The following SLC25A21 variants were observed in gnomAD, a reference collection of about 807,000 sequenced individuals.
SLC25A21 encodes the protein solute carrier family 25 member 21.
A neutral mutation model predicts 43.8 loss-of-function variants in SLC25A21; 47 were observed. The observed-to-expected ratio is 1.07, with a 90% CI of 0.85 to 1.37. The LOEUF (loss-of-function observed/expected upper bound fraction) is 1.37, where lower values mean the gene tolerates loss of function less well. Ranked by LOEUF, SLC25A21 falls within the 40% of genes most tolerant of loss-of-function variation. SLC25A21 has a pLI of 0.00. For synonymous variants in SLC25A21, 131 were observed against 121.3 expected, an observed-to-expected ratio of 1.08 and a Z score of -0.52; for missense variants, 352 against 350.2, an observed-to-expected ratio of 1.00 and a Z score of -0.04.
chr14:37,147,499 C>G (rs980937073), intron 1 of SLC25A21, among the ~76,000 whole-genome samples: 2 of 152,142 alleles, frequency 1.3e-5, no homozygotes, highest in Non-Finnish European at 2.9e-5. Flanking sequence ...CTATCCCATT[C>G]TCCACCAGTT....
chr14:36,776,234 C>CTTTTTTTTT lies in SLC25A21; in HGVS notation c.203+37683_203+37684insAAAAAAAAA, dbSNP rs1397904925. 1.8e-3 allele frequency among the ~76,000 whole-genome samples: 138 copies of CTTTTTTTTT among 75,680 alleles called. 3 individuals are homozygous for CTTTTTTTTT. Among genetic ancestry groups the CTTTTTTTTT allele is most frequent in the African/African-American group, 7.3e-3 (127 of 17,502 alleles). 49.6% of individuals were successfully genotyped at this position (75,680 alleles called of 152,430 possible). On this transcript the variant is annotated intron_variant, in intron 3 of 9. Transcript: ENST00000331299. ...CTTTCTTTTTTCTTTTTCTTTCTTT[C>CTTTTTTTTT]TTTCTTTTTTTTTTTTTTTTGAGAT... is the stretch of plus-strand genomic sequence containing the variant.
At chr14:37,003,355 T>C (rs921260113) in intron 1 of SLC25A21, among the ~76,000 whole-genome samples, 8 of 152,190 alleles carry the variant, frequency 5.3e-5, no homozygotes, top group African/African-American at 9.7e-5. Context: ...CATTGTAATA[T>C]AGCATTTAAA....
chr14:37,002,124 T>C (rs1479143872), intron 1 of SLC25A21, among the ~76,000 whole-genome samples: 2 of 152,100 alleles, frequency 1.3e-5, no homozygotes, highest in Non-Finnish European at 2.9e-5. Context: ...AGTTCACAGT[T>C]AGGCAGAGGA....
chr14:37,156,176 A>C (rs1048126888), intron 1 of SLC25A21, among the ~76,000 whole-genome samples: 1 of 147,780 alleles, frequency 6.8e-6, no homozygotes, highest in Non-Finnish European at 1.5e-5. Context: ...AAAAAAAAAA[A>C]ATACACGAAA....
chr14:37,077,153 G>A (rs1366676814), intron 1 of SLC25A21, among the ~76,000 whole-genome samples: 1 of 152,096 alleles, frequency 6.6e-6, no homozygotes, highest in African/African-American at 2.4e-5. Context: ...GTCAATACTT[G>A]CACCACGCTG....
At chr14:36,694,729 C>T (rs1243016632) in intron 7 of SLC25A21, among the ~76,000 whole-genome samples, 1 of 152,178 alleles carries the variant, frequency 6.6e-6, no homozygotes, top group Admixed American at 6.5e-5. Flanking sequence ...GTGTCTAATT[C>T]ATATCCTTTG....
chr14:36,977,681 A>G (rs542611068), intron 1 of SLC25A21, among the ~76,000 whole-genome samples: 2 of 152,328 alleles, frequency 1.3e-5, no homozygotes, highest in African/African-American at 4.8e-5. Flanking sequence ...CTTCTATCCT[A>G]GTAATTATAT....
intron 2 of SLC25A21, among the ~76,000 whole-genome samples, chr14:36,814,497 A>G (rs548142346): frequency 7.9e-5 from 12 of 152,260 alleles, no homozygotes; most frequent in Non-Finnish European, 1.6e-4. Flanking sequence ...AACCCCATCA[A>G]AAAGTGGGCA....
At chr14:36,814,675 G>T (rs180787232) in intron 2 of SLC25A21, among the ~76,000 whole-genome samples, 2 of 152,320 alleles carry the variant, frequency 1.3e-5, no homozygotes. Flanking sequence ...AACAACAGAT[G>T]CTGGCGAGAC....
At chr14:36,692,329 A>G (rs902703373) in intron 7 of SLC25A21, among the ~76,000 whole-genome samples, 2 of 152,232 alleles carry the variant, frequency 1.3e-5, no homozygotes, top group Admixed American at 6.5e-5. Context: ...TAAAAATTCA[A>G]CATCAGAAAC....
At chr14:36,874,811 A>C in intron 2 of SLC25A21, 145 bp downstream of exon 2, 1 of 557,760 alleles carries the variant, frequency 1.8e-6, no homozygotes, top group East Asian at 3.1e-5. Flanking sequence ...TTATCTGTCA[A>C]ATAGTACTTT....
At chr14:36,729,916 C>T (rs983210355) in intron 4 of SLC25A21, among the ~76,000 whole-genome samples, 2 of 152,250 alleles carry the variant, frequency 1.3e-5, no homozygotes, top group Admixed American at 6.5e-5. Flanking sequence ...CTTTGGTCTC[C>T]TATGTTTTCT....
intron 1 of SLC25A21, among the ~76,000 whole-genome samples, chr14:37,170,905 C>T (rs553671255): frequency 2.3e-4 from 33 of 142,078 alleles, no homozygotes; most frequent in South Asian, 1.4e-3. Context: ...GGCAACATGG[C>T]GAAAGCCCGT....
At chr14:36,985,359 T>TTCACTGTGTG (rs1960123672) in intron 1 of SLC25A21, among the ~76,000 whole-genome samples, 2 of 151,988 alleles carry the variant, frequency 1.3e-5, no homozygotes, top group African/African-American at 4.8e-5. Context: ...ACTTAAAGTA[T>TTCACTGTGTG]AATTTAAAAA....
chr14:36,854,933 T>TC (rs1555332561), intron 2 of SLC25A21, among the ~76,000 whole-genome samples: 7 of 134,472 alleles, frequency 5.2e-5, no homozygotes, highest in African/African-American at 1.4e-4. Context: ...GGGCATGAGG[T>TC]GGGGGGGGGT....
chr14:36,910,183 C>G (rs1891647225), intron 1 of SLC25A21, among the ~76,000 whole-genome samples: 1 of 152,166 alleles, frequency 6.6e-6, no homozygotes, highest in Non-Finnish European at 1.5e-5. Flanking sequence ...GTACAGAGAT[C>G]ATCATGGATC....
At chr14:36,868,262 G>A (rs146228270) in intron 2 of SLC25A21, among the ~76,000 whole-genome samples, 341 of 152,160 alleles carry the variant, frequency 2.2e-3, no homozygotes, top group African/African-American at 7.9e-3. Context: ...TTCTTAATGA[G>A]GGGTCCACTC....
chr14:36,707,467 T>A (rs1594509210), intron 7 of SLC25A21, among the ~76,000 whole-genome samples: 1 of 151,976 alleles, frequency 6.6e-6, no homozygotes, highest in Non-Finnish European at 1.5e-5. Context: ...ACGCACAGCA[T>A]TCCTCCCAGC....
chr14:36,699,671 C>A (rs570654258), intron 7 of SLC25A21, among the ~76,000 whole-genome samples: 1 of 152,204 alleles, frequency 6.6e-6, no homozygotes, highest in Non-Finnish European at 1.5e-5. Context: ...GTCCCTCCCC[C>A]AGCCAGGCTG....
Sources: allele counts gnomAD v4.1 joint callset (sites outside exome capture counted in the v4.1 genomes callset), GRCh38; gene constraint gnomAD v4.1.1; transcripts MANE v1.5; gene names NCBI Gene and HGNC (gene_info 2026-07-23, HGNC 2026-07-21).